The following DYSF variants were observed in gnomAD, a reference collection of about 807,000 sequenced individuals.
DYSF encodes dysferlin.
In DYSF, 212 loss-of-function variants were observed where a neutral mutation model predicts 274.9. The observed-to-expected ratio is 0.77, with a 90% CI of 0.69 to 0.86. The LOEUF is 0.86. Ranked by LOEUF, DYSF falls within the 40% of genes least tolerant of loss-of-function variation. DYSF has a pLI of 0.00. For missense variants in DYSF, 2,666 were observed against 2,783.2 expected, an observed-to-expected ratio of 0.96 and a Z score of 0.95; for synonymous variants, 1,091 against 1,078.7, an observed-to-expected ratio of 1.01 and a Z score of -0.22.
chr2:71,502,079 CTGTGTGTGTGTGTGTGTGTG>C (rs71402986), intron 3 of DYSF, among the ~76,000 whole-genome samples: 3 of 143,804 alleles, frequency 2.1e-5, no homozygotes, highest in Admixed American at 6.9e-5. Context: ...CTCCATGACT[CTGTGTGTGTGTGTGTGTGTG>C]TGTGTGTGTG....
chr2:71,617,378 A>G (rs1006234034), intron 40 of DYSF, among the ~76,000 whole-genome samples: 1 of 152,208 alleles, frequency 6.6e-6, no homozygotes, highest in Non-Finnish European at 1.5e-5. Flanking sequence ...TGGCCCTGCA[A>G]GTTCACCATA....
chr2:71,618,012 G>T (rs1158051908), intron 40 of DYSF, among the ~76,000 whole-genome samples: 11 of 137,850 alleles, frequency 8.0e-5, no homozygotes, highest in African/African-American at 2.8e-4. Flanking sequence ...GTGTGGTAGA[G>T]ATGGGGTGTG....
chr2:71,513,161 A>C (rs2152730738), intron 5 of DYSF, 79 bp from the exon 6 acceptor site: 1 of 1,352,212 alleles, frequency 7.4e-7, no homozygotes, highest in South Asian at 1.3e-5. Flanking sequence ...AGGGTTGGGG[A>C]TGGAGGTGCA....
chr2:71,523,088 A>G (rs2087478944), intron 12 of DYSF, among the ~76,000 whole-genome samples: 1 of 152,214 alleles, frequency 6.6e-6, no homozygotes, highest in Admixed American at 6.5e-5. Context: ...TGAATGCCAC[A>G]GTCCAGAATT....
chr2:71,664,504 A>G (rs1006491561), intron 46 of DYSF, 66 bp downstream of exon 46: 13 of 1,589,002 alleles, frequency 8.2e-6, no homozygotes, highest in Middle Eastern at 2.1e-4. Flanking sequence ...CTCTGACAAC[A>G]CACCACCACT....
At position 71,669,102 on chromosome 2, in the gene DYSF, C is replaced by T. The variant is rs1275653427; in HGVS notation, c.5547-10C>T. 2.5e-6 allele frequency: 4 copies of T among 1,584,920 alleles called. No homozygotes were observed. In the South Asian group the frequency reaches 4.6e-5, roughly 18 times the overall value. On this transcript the variant is annotated splice_polypyrimidine_tract_variant and intron_variant, in intron 49 of 55. Transcript: ENST00000410020. ...AAATCTAGGTGGATTAGAGTGATAC[C>T]TTTCCCCAGGTTTTTCCTGCGTTGT...
At position 71,520,811 on chromosome 2, in the gene DYSF, G is replaced by A; in HGVS notation, c.1056G>A (p.Trp352Ter). Residue 352 changes from tryptophan to a stop codon, truncating the protein, a stop_gained, in exon 12 of 56, where the codon TGG becomes TGA. Coordinates refer to ENST00000410020, the MANE Select transcript of DYSF (RefSeq NM_001130987.2). LOFTEE classifies it high-confidence loss of function. ...TAGGGCACGCCTATCTCAGGAAGTG[G>A]CTGCTGCTCTCAGACCCTGATGACT... Reference protein sequence around the residue: ...REPRHAYLRKWLLLSDPDDFS... With the variant: ...REPRHAYLRK 1 of 1,614,050 alleles carries A rather than the reference G, an allele frequency of 6.2e-7. No individual in the cohort carries two copies. The highest frequency in any genetic ancestry group is 8.5e-7 in the Non-Finnish European group (1 of 1,180,006).
At position 71,526,363 on chromosome 2, in the gene DYSF, C is replaced by A; in HGVS notation, c.1276+17C>A. 1 of 1,369,032 alleles carries A rather than the reference C, an allele frequency of 7.3e-7. No homozygotes were observed. Among genetic ancestry groups the A allele is most frequent in the South Asian group, 1.2e-5 (1 of 85,022 alleles). 84.8% of individuals were successfully genotyped at this position (1,369,032 alleles called of 1,614,324 possible). A position where few individuals can be genotyped will look rare whatever the true frequency, so the allele number is the denominator to read the frequency against. On this transcript the variant is annotated intron_variant, in intron 13 of 55. Coordinates refer to ENST00000410020, the MANE Select transcript of DYSF (RefSeq NM_001130987.2). ...TGCCGCAGAGTGCGTGGGGCGCGCC[C>A]TTGGGTGGGAGGTCTGCAGGAGGCT... is the stretch of plus-strand genomic sequence containing the variant.
intron 47 of DYSF, among the ~76,000 whole-genome samples, chr2:71,665,565 C>A (rs1441571263): frequency 2.0e-5 from 3 of 152,178 alleles, no homozygotes; most frequent in Admixed American, 2.0e-4. Context: ...TGGGGCCCAT[C>A]CGAGGGCAAG....
At chr2:71,563,126 C>A (rs775496960) in intron 23 of DYSF, among the ~76,000 whole-genome samples, 20 of 152,196 alleles carry the variant, frequency 1.3e-4, no homozygotes, top group Admixed American at 3.9e-4. Flanking sequence ...CTAACAAGTT[C>A]CTGGAAGCTG....
intron 51 of DYSF, 119 bp downstream of exon 51, chr2:71,669,865 G>GGGC: frequency 1.5e-6 from 2 of 1,377,972 alleles, no homozygotes; most frequent in Non-Finnish European, 2.0e-6. Context: ...CACCATGTTG[G>GGGC]AGCTACCACT....
intron 22 of DYSF, among the ~76,000 whole-genome samples, chr2:71,560,226 G>A (rs2091637617): frequency 6.6e-6 from 1 of 152,204 alleles, no homozygotes; most frequent in South Asian, 2.1e-4. Context: ...GGTCCTAAAT[G>A]TTTCTTGGGG....
chr2:71,617,602 GTGTGTGTGTATGTGGGGTAGAGGTGA>G (rs1394226936), intron 40 of DYSF, among the ~76,000 whole-genome samples: 1 of 149,992 alleles, frequency 6.7e-6, no homozygotes, highest in African/African-American at 2.5e-5. Flanking sequence ...GGTAGAGGTG[GTGTGTGTGTATGTGGGGTAGAGGTGA>G]TGTGTGTGGC....
At chr2:71,473,583 C>T (rs1470223529) in intron 1 of DYSF, among the ~76,000 whole-genome samples, 1 of 152,184 alleles carries the variant, frequency 6.6e-6, no homozygotes, top group African/African-American at 2.4e-5. Context: ...TCTGTCCCCT[C>T]TCTAGGAGGG....
chr2:71,534,669 G>A (rs1047200376), intron 14 of DYSF, among the ~76,000 whole-genome samples: 1 of 152,220 alleles, frequency 6.6e-6, no homozygotes, highest in African/African-American at 2.4e-5. Flanking sequence ...GGGAAAGCTG[G>A]TCTGGACTGG....
At chr2:71,509,307 C>A (rs777891838) in intron 4 of DYSF, among the ~76,000 whole-genome samples, 1 of 151,986 alleles carries the variant, frequency 6.6e-6, no homozygotes, top group Non-Finnish European at 1.5e-5. Context: ...GAACTATAAG[C>A]GTGGGCCACC....
intron 31 of DYSF, 67 bp from the exon 32 acceptor site, chr2:71,590,144 C>G (rs912217904): frequency 2.9e-5 from 44 of 1,539,370 alleles, no homozygotes; most frequent in East Asian, 4.5e-5. Flanking sequence ...TCCACCTCCC[C>G]CCGAGCCCCA....
At position 71,538,169 on chromosome 2, in the gene DYSF, C is replaced by G. The variant is rs139406441; in HGVS notation, c.1494-988C>G. The stretch of plus-strand genomic sequence containing the variant: ...ACTTGGGGCTAATTGTAGTACCTAC[C>G]TGGTAGTGCCGATGTGAGAATGAGT... On this transcript the variant is annotated intron_variant, in intron 16 of 55. Coordinates refer to ENST00000410020, the MANE Select transcript of DYSF (RefSeq NM_001130987.2). Among the ~76,000 whole-genome samples, 7 of 152,334 alleles carry G rather than the reference C, an allele frequency of 4.6e-5. No individual in the cohort carries two copies. The East Asian group carries it at 1.2e-3, about 25-fold the overall frequency.
intron 40 of DYSF, 76 bp downstream of exon 40, chr2:71,613,486 C>T: frequency 8.0e-7 from 1 of 1,252,940 alleles, no homozygotes; most frequent in Non-Finnish European, 1.1e-6. Context: ...CCCTTCTCCC[C>T]TACCCTTCAT....
Sources: gnomAD v4.1 joint callset for allele counts (sites outside exome capture counted in the v4.1 genomes callset) on GRCh38, gnomAD v4.1.1 for gene constraint, MANE v1.5 for transcripts, NCBI Gene and HGNC (gene_info 2026-07-23, HGNC 2026-07-21) for gene names.